The following CTNNA3 variants were observed in gnomAD, a reference collection of about 807,000 sequenced individuals.
The protein encoded by CTNNA3 is catenin alpha 3, also known as catenin alpha-3.
Under a neutral mutation model 95.7 loss-of-function variants are expected in CTNNA3, and 76 were observed. That is an observed-to-expected ratio of 0.79 (90% confidence interval 0.66 to 0.96). CTNNA3 has a LOEUF of 0.96. Among genes scored for constraint, CTNNA3 ranks in the 40% least tolerant of loss-of-function variants. The pLI is 0.00. For synonymous variants in CTNNA3, 431 were observed against 374.4 expected, an observed-to-expected ratio of 1.15 and a Z score of -1.74; for missense variants, 1,191 against 1,089.8, an observed-to-expected ratio of 1.09 and a Z score of -1.31.
At chr10:66,157,504 T>C (rs1159334416) in intron 13 of CTNNA3, among the ~76,000 whole-genome samples, 1 of 50,726 alleles carries the variant, frequency 2.0e-5, no homozygotes, top group Non-Finnish European at 4.5e-5. Context: ...GATAGATAGA[T>C]AGATAGATAG....
intron 9 of CTNNA3, among the ~76,000 whole-genome samples, chr10:66,723,547 T>C (rs1197056058): frequency 2.0e-5 from 3 of 152,236 alleles, no homozygotes; most frequent in Non-Finnish European, 4.4e-5. Context: ...TATAGTCATC[T>C]TACTTACTTG....
chr10:67,691,566 C>G (rs188630402), intron 1 of CTNNA3, among the ~76,000 whole-genome samples: 1 of 150,690 alleles, frequency 6.6e-6, no homozygotes, highest in East Asian at 2.0e-4. Flanking sequence ...ATGTGAGGAG[C>G]GTCTCTGCCC....
chr10:66,553,376 T>C (rs1394466420), intron 10 of CTNNA3, among the ~76,000 whole-genome samples: 2 of 151,842 alleles, frequency 1.3e-5, no homozygotes, highest in Admixed American at 1.3e-4. Flanking sequence ...TTTTGCTTCC[T>C]TTTGGTTGAT....
At chr10:66,787,865 G>T (rs73310841) in intron 7 of CTNNA3, among the ~76,000 whole-genome samples, 36,407 of 152,030 alleles carry the variant, frequency 0.24, 4,992 homozygotes, top group African/African-American at 0.38. Context: ...TCAGTAAACT[G>T]TAATTAATGT....
chr10:67,116,875 T>C (rs1859217777), intron 7 of CTNNA3, among the ~76,000 whole-genome samples: 1 of 151,600 alleles, frequency 6.6e-6, no homozygotes, highest in South Asian at 2.1e-4. Flanking sequence ...GCATATATAT[T>C]GTTGAGTCTA....
chr10:67,683,465 T>C (rs1403376579), intron 1 of CTNNA3, among the ~76,000 whole-genome samples: 1 of 152,248 alleles, frequency 6.6e-6, no homozygotes, highest in Non-Finnish European at 1.5e-5. Context: ...GTGTAGCCCT[T>C]CAGCAATCCT....
At chr10:66,491,889 T>C (rs1340846421) in intron 11 of CTNNA3, among the ~76,000 whole-genome samples, 1 of 152,166 alleles carries the variant, frequency 6.6e-6, no homozygotes, top group Non-Finnish European at 1.5e-5. Context: ...AGTCTCTTTG[T>C]TTTGGATATC....
At chr10:66,184,289 ACT>A (rs2086212059) in intron 13 of CTNNA3, among the ~76,000 whole-genome samples, 1 of 152,082 alleles carries the variant, frequency 6.6e-6, no homozygotes, top group Non-Finnish European at 1.5e-5. Flanking sequence ...GCAGAGCAAG[ACT>A]CTGTCTCAAA....
chr10:66,693,984 C>G (rs1323511194), intron 9 of CTNNA3, among the ~76,000 whole-genome samples: 5 of 151,808 alleles, frequency 3.3e-5, no homozygotes, highest in African/African-American at 1.2e-4. Context: ...AAATTTATAG[C>G]ACTAAATGCC....
chr10:65,988,580 T>C (rs2078474723), intron 16 of CTNNA3, 112 bp downstream of exon 16: 1 of 715,538 alleles, frequency 1.4e-6, no homozygotes, highest in Non-Finnish European at 2.3e-6. Context: ...TCAATTATAA[T>C]TTAGAAAAAA....
chr10:67,392,959 T>C (rs1844563675), intron 5 of CTNNA3, among the ~76,000 whole-genome samples: 1 of 152,110 alleles, frequency 6.6e-6, no homozygotes, highest in Admixed American at 6.6e-5. Context: ...TAATGCTAGA[T>C]GATGAGTTAG....
intron 5 of CTNNA3, among the ~76,000 whole-genome samples, chr10:67,288,147 T>C (rs1380010970): frequency 1.3e-5 from 2 of 152,048 alleles, no homozygotes; most frequent in Admixed American, 1.3e-4. Flanking sequence ...CTGGTGCAAG[T>C]GGAAGTAGTA....
chr10:67,752,710 T>A (rs1237549527), intron 1 of CTNNA3, among the ~76,000 whole-genome samples: 2 of 152,180 alleles, frequency 1.3e-5, no homozygotes, highest in Non-Finnish European at 2.9e-5. Flanking sequence ...AAATCATGAA[T>A]GAACTCCCAT....
chr10:66,589,147 A>T (rs1843461287), intron 10 of CTNNA3, among the ~76,000 whole-genome samples: 2 of 151,744 alleles, frequency 1.3e-5, no homozygotes, highest in Non-Finnish European at 2.9e-5. Context: ...TTTGTCCTGA[A>T]GTTGGTTTCC....
intron 5 of CTNNA3, among the ~76,000 whole-genome samples, chr10:67,503,138 A>G (rs1308589551): frequency 2.0e-5 from 3 of 152,172 alleles, no homozygotes; most frequent in Non-Finnish European, 4.4e-5. Flanking sequence ...AGTTGCAAAG[A>G]CCATGGGAAA....
intron 11 of CTNNA3, among the ~76,000 whole-genome samples, chr10:66,457,468 A>G (rs1446299263): frequency 1.3e-5 from 2 of 152,066 alleles, no homozygotes; most frequent in Non-Finnish European, 2.9e-5. Flanking sequence ...TCTCTTGTTT[A>G]CACTTCCCAT....
At chr10:66,261,641 C>A (rs2091005826) in intron 13 of CTNNA3, among the ~76,000 whole-genome samples, 1 of 151,946 alleles carries the variant, frequency 6.6e-6, no homozygotes, top group South Asian at 2.1e-4. Flanking sequence ...TTCCTTGTAA[C>A]TGAAAGTCAC....
chr10:66,086,361 G>A (rs2080984239), intron 14 of CTNNA3, among the ~76,000 whole-genome samples: 1 of 152,116 alleles, frequency 6.6e-6, no homozygotes, highest in South Asian at 2.1e-4. Context: ...CAGTTTTACT[G>A]CAGACTCAAC....
chr10:67,699,798 C>A (rs767976896), upstream of CTNNA3, among the ~76,000 whole-genome samples: 2 of 152,082 alleles, frequency 1.3e-5, no homozygotes, highest in Non-Finnish European at 2.9e-5. Context: ...GTGCACCGTT[C>A]GCGAGCCGAA....
Sources: allele counts gnomAD v4.1 joint callset (sites outside exome capture counted in the v4.1 genomes callset), GRCh38; gene constraint gnomAD v4.1.1; transcripts MANE v1.5; gene names NCBI Gene and HGNC (gene_info 2026-07-23, HGNC 2026-07-21).